RALGPS1: variants seen among roughly 807,000 people sequenced by gnomAD.
RALGPS1 encodes ras-specific guanine nucleotide-releasing factor RalGPS1.
A neutral mutation model predicts 78.8 loss-of-function variants in RALGPS1; 19 were observed. The ratio of observed to expected loss-of-function variants is 0.24; its 90% CI spans 0.17 to 0.35. The LOEUF is 0.35. Among genes scored for constraint, RALGPS1 ranks in the 10% least tolerant of loss-of-function variants. The probability of loss-of-function intolerance (pLI) is 1.00; values close to 1 mark genes in which losing one functional copy is unlikely to be tolerated. For synonymous variants in RALGPS1, 228 were observed against 256.3 expected, an observed-to-expected ratio of 0.89 and a Z score of 1.06; for missense variants, 454 against 688.3, an observed-to-expected ratio of 0.66 and a Z score of 3.81.
intron 4 of RALGPS1, among the ~76,000 whole-genome samples, chr9:127,005,652 G>A (rs1382552584): frequency 2.6e-5 from 4 of 152,154 alleles, no homozygotes; most frequent in Non-Finnish European, 4.4e-5. Context: ...GATAAGCCTT[G>A]AAGTACTTGA....
intron 4 of RALGPS1, among the ~76,000 whole-genome samples, chr9:127,017,952 C>T (rs1005172845): frequency 5.9e-5 from 9 of 152,102 alleles, no homozygotes; most frequent in African/African-American, 9.7e-5. Flanking sequence ...CGCTGTGGCT[C>T]ACACCTGGAA....
chr9:127,150,633 CTCGTCCCCA>C (rs2058364024), intron 8 of RALGPS1, among the ~76,000 whole-genome samples: 3 of 152,350 alleles, frequency 2.0e-5, no homozygotes, highest in South Asian at 4.1e-4. Context: ...ATGAGGCATC[CTCGTCCCCA>C]TCTCAAACTG....
chr9:127,035,279 C>T (rs1788788902), intron 5 of RALGPS1, among the ~76,000 whole-genome samples: 1 of 152,146 alleles, frequency 6.6e-6, no homozygotes. Context: ...ATGGCCTGAT[C>T]CCTGGCCTTG....
intron 4 of RALGPS1, among the ~76,000 whole-genome samples, chr9:127,001,001 GTGGTGGCTCACACCTA>G (rs1356924929): frequency 1.3e-5 from 2 of 151,514 alleles, no homozygotes; most frequent in Non-Finnish European, 2.9e-5. Flanking sequence ...CAGGCCAGGC[GTGGTGGCTCACACCTA>G]TAATCCCAAC....
chr9:126,998,582 A>G (rs1240848281), intron 4 of RALGPS1, among the ~76,000 whole-genome samples: 2 of 152,214 alleles, frequency 1.3e-5, no homozygotes, highest in Non-Finnish European at 1.5e-5. Flanking sequence ...CTGTAAAACC[A>G]GTTCAACCAT....
intron 5 of RALGPS1, among the ~76,000 whole-genome samples, chr9:127,035,685 C>T (rs376152771): frequency 1.3e-5 from 2 of 152,042 alleles, no homozygotes; most frequent in African/African-American, 2.4e-5. Flanking sequence ...CCAAGTCCAG[C>T]GGGATCCTCA....
intron 14 of RALGPS1, among the ~76,000 whole-genome samples, chr9:127,210,989 G>A (rs1253863594): frequency 6.6e-6 from 1 of 152,192 alleles, no homozygotes; most frequent in African/African-American, 2.4e-5. Context: ...ATCAGGGAAG[G>A]CCTCCCTGAA....
At chr9:126,980,422 A>G (rs2041134047) in intron 4 of RALGPS1, among the ~76,000 whole-genome samples, 1 of 152,148 alleles carries the variant, frequency 6.6e-6, no homozygotes, top group South Asian at 2.1e-4. Flanking sequence ...AAAAAATTAC[A>G]AATGCCTAGG....
intron 8 of RALGPS1, among the ~76,000 whole-genome samples, chr9:127,093,203 C>T (rs1405360190): frequency 4.6e-5 from 7 of 152,114 alleles, no homozygotes; most frequent in African/African-American, 7.2e-5. Flanking sequence ...GCAACTTTCC[C>T]TGCTACACAG....
Position 127,194,538 on chromosome 9 carries a change from G to A in RALGPS1, c.911-553G>A, listed in dbSNP as rs1009984621. ...AGCGATTCTTCTGCCTCAGCCTCCC[G>A]AGTAGCTGGGATTACAGGCATGCGC... On this transcript the variant is annotated intron_variant, in intron 11 of 18. Transcript: ENST00000259351. Among the ~76,000 whole-genome samples the A allele has an allele frequency of 2.0e-5, 3 of 152,114 alleles. No homozygotes were observed. In the South Asian group the frequency reaches 6.2e-4, roughly 32 times the overall value.
rs2037179248 is a variant in RALGPS1, at chr9:126,945,538, T to C, written c.-65-16687T>C. ...AATATTTTGCCCTCTGCTAACTCTT[T>C]CAGTCTGAGGATGTGCTTAGAAGTC... On this transcript the variant is annotated intron_variant, in intron 1 of 18. Transcript: ENST00000259351. Among the ~76,000 whole-genome samples the C allele has an allele frequency of 2.6e-5, 4 of 152,182 alleles. No individual in the cohort carries two copies. The South Asian group carries it at 8.3e-4, about 31-fold the overall frequency.
intron 18 of RALGPS1, 58 bp downstream of exon 18, chr9:127,214,900 A>G (rs889238402): frequency 6.9e-5 from 110 of 1,604,808 alleles, no homozygotes; most frequent in Non-Finnish European, 8.6e-5. Context: ...CCTTGGAACT[A>G]AGGGTCTTTA....
At chr9:127,094,080 A>G (rs1329950958) in intron 8 of RALGPS1, among the ~76,000 whole-genome samples, 1 of 152,152 alleles carries the variant, frequency 6.6e-6, no homozygotes, top group Non-Finnish European at 1.5e-5. Flanking sequence ...TGCGAGTTTA[A>G]TAAGTAATTA....
chr9:126,963,265 T>C (rs1250718137), intron 2 of RALGPS1, among the ~76,000 whole-genome samples: 2 of 152,210 alleles, frequency 1.3e-5, no homozygotes, highest in Non-Finnish European at 2.9e-5. Flanking sequence ...AATGGACTCC[T>C]TTTTGTAACT....
intron 8 of RALGPS1, among the ~76,000 whole-genome samples, chr9:127,082,795 G>A (rs2136176855): frequency 6.6e-6 from 1 of 152,280 alleles, no homozygotes; most frequent in South Asian, 2.1e-4. Flanking sequence ...CCTGGCACAT[G>A]GAAAGCACCC....
intron 8 of RALGPS1, among the ~76,000 whole-genome samples, chr9:127,152,643 A>G (rs1330023148): frequency 1.3e-5 from 2 of 152,188 alleles, no homozygotes; most frequent in African/African-American, 4.8e-5. Flanking sequence ...TGTCCTGTAT[A>G]TCTGCCCTAT....
At chr9:127,150,759 G>C (rs550983853) in intron 8 of RALGPS1, among the ~76,000 whole-genome samples, 1 of 152,222 alleles carries the variant, frequency 6.6e-6, no homozygotes, top group East Asian at 1.9e-4. Flanking sequence ...CACCAGATGG[G>C]ATGCAACCGT....
In RALGPS1 at chr9:126,933,455, G is replaced by T. The variant is rs115382253; in HGVS notation, c.-66+18480G>T. ...AAAGCTGTTCTGAAGATGTTCTTAG[G>T]CAGAGAGAAGAACCAAGGGAGCGGC... On this transcript the variant is annotated intron_variant, in intron 1 of 18. Coordinates refer to ENST00000259351, the MANE Select transcript of RALGPS1 (RefSeq NM_014636.3). Among the ~76,000 whole-genome samples the T allele has an allele frequency of 7.6e-3, 1,154 of 152,298 alleles. 13 individuals carry two copies. The highest frequency in any genetic ancestry group is 0.026 in the African/African-American group (1,099 of 41,554).
intron 4 of RALGPS1, 64 bp downstream of exon 4, chr9:126,977,809 C>T: frequency 8.1e-7 from 1 of 1,228,626 alleles, no homozygotes; most frequent in Non-Finnish European, 1.2e-6. Context: ...ATTTAGCCAG[C>T]CACTGTTAGA....
Sources: gnomAD v4.1 joint callset for allele counts (sites outside exome capture counted in the v4.1 genomes callset) on GRCh38, gnomAD v4.1.1 for gene constraint, MANE v1.5 for transcripts, NCBI Gene and HGNC (gene_info 2026-07-23, HGNC 2026-07-21) for gene names.